The following WWP1 variants were observed in gnomAD, a reference collection of about 807,000 sequenced individuals.
WWP1 encodes the protein WW domain containing E3 ubiquitin protein ligase 1.
In WWP1, 49 loss-of-function variants were observed where a neutral mutation model predicts 130.6. The observed-to-expected ratio is 0.38, with a 90% CI of 0.30 to 0.48. WWP1 has a LOEUF of 0.48. WWP1 is among the 20% of genes least tolerant of loss of function. The probability of loss-of-function intolerance (pLI) is 0.99; values close to 1 mark genes in which losing one functional copy is unlikely to be tolerated. For missense variants in WWP1, 809 were observed against 1,100.6 expected (o/e 0.74, Z 3.75); for synonymous variants, 332 against 367.8 (o/e 0.90, Z 1.11).
chr8:86,444,679 G>T (rs1418850608), intron 18 of WWP1, among the ~76,000 whole-genome samples: 1 of 152,176 alleles, frequency 6.6e-6, no homozygotes, highest in Non-Finnish European at 1.5e-5. Context: ...TTTGACCATT[G>T]TATCTGCAAA....
At chr8:86,349,059 T>TC (rs1822763799) in intron 1 of WWP1, among the ~76,000 whole-genome samples, 1 of 152,118 alleles carries the variant, frequency 6.6e-6, no homozygotes, top group Admixed American at 6.6e-5. Context: ...TCTCACTCTG[T>TC]CACCCAGGCT....
chr8:86,410,277 CA>C (rs773638917), intron 8 of WWP1, among the ~76,000 whole-genome samples: 1 of 152,124 alleles, frequency 6.6e-6, no homozygotes, highest in Non-Finnish European at 1.5e-5. Context: ...AGAATTTTCT[CA>C]AAAACCTTTC....
At chr8:86,366,780 G>A (rs1823999607) in intron 1 of WWP1, among the ~76,000 whole-genome samples, 4 of 152,102 alleles carry the variant, frequency 2.6e-5, no homozygotes, top group Admixed American at 2.6e-4. Context: ...TTTAAAACCT[G>A]ATGCTCCTGA....
At chr8:86,345,484 A>G (rs1433748776) in intron 1 of WWP1, among the ~76,000 whole-genome samples, 1 of 151,968 alleles carries the variant, frequency 6.6e-6, no homozygotes, top group Non-Finnish European at 1.5e-5. Flanking sequence ...TTCTGGGCTC[A>G]TTGCAACCTC....
Position 86,349,529 on chromosome 8 carries a change from T to C in WWP1, c.-115+6599T>C, listed in dbSNP as rs139747203. ...TACCAAAACAGGACTTACGGAAAAC[T>C]GTTTTGGAAGCTGAAGCTTAGGCAG... On this transcript the variant is annotated intron_variant, in intron 1 of 24. Coordinates refer to ENST00000517970, the MANE Select transcript of WWP1 (RefSeq NM_007013.4). Among the ~76,000 whole-genome samples the C allele has an allele frequency of 4.0e-4, 61 of 152,338 alleles. 1 individual carries two copies. In the East Asian group the frequency reaches 0.012, roughly 29 times the overall value.
intron 5 of WWP1, among the ~76,000 whole-genome samples, chr8:86,396,350 C>T (rs541135484): frequency 5.3e-5 from 8 of 152,146 alleles, no homozygotes; most frequent in African/African-American, 9.7e-5. Context: ...CCGCCCGCCT[C>T]GGCCTCCCAA....
intron 3 of WWP1, 121 bp downstream of exon 3, chr8:86,374,241 T>C: frequency 2.7e-6 from 2 of 749,626 alleles, no homozygotes; most frequent in Non-Finnish European, 4.2e-6. Flanking sequence ...GCATATTTGT[T>C]GCAACAAGCC....
At chr8:86,397,308 T>C (rs1450149590) in intron 5 of WWP1, among the ~76,000 whole-genome samples, 1 of 152,212 alleles carries the variant, frequency 6.6e-6, no homozygotes, top group African/African-American at 2.4e-5. Flanking sequence ...CTTTCTCTTT[T>C]AGTTTTTATT....
intron 21 of WWP1, among the ~76,000 whole-genome samples, chr8:86,453,818 G>T (rs548512633): frequency 3.5e-4 from 54 of 152,124 alleles, no homozygotes; most frequent in South Asian, 1.7e-3. Context: ...TAGTTATCAA[G>T]AATTTTCTAA....
chr8:86,453,587 CTATT>C (rs1811288093), intron 21 of WWP1, among the ~76,000 whole-genome samples: 1 of 152,094 alleles, frequency 6.6e-6, no homozygotes, highest in South Asian at 2.1e-4. Flanking sequence ...TGGTAATCCT[CTATT>C]TAATTTTTTG....
At chr8:86,401,488 AG>A (rs1807976099) in intron 7 of WWP1, among the ~76,000 whole-genome samples, 1 of 151,580 alleles carries the variant, frequency 6.6e-6, no homozygotes, top group South Asian at 2.1e-4. Context: ...TGAGCCTAAG[AG>A]GTTGAAGCTG....
At chr8:86,396,924 A>G (rs1807709801) in intron 5 of WWP1, among the ~76,000 whole-genome samples, 1 of 152,116 alleles carries the variant, frequency 6.6e-6, no homozygotes, top group Non-Finnish European at 1.5e-5. Context: ...TTTAGAGACT[A>G]GATCTCACTG....
At chr8:86,367,470 C>T (rs2130261266) in intron 1 of WWP1, among the ~76,000 whole-genome samples, 1 of 152,234 alleles carries the variant, frequency 6.6e-6, no homozygotes, top group African/African-American at 2.4e-5. Context: ...TTAAGATATG[C>T]CTTCTAAATG....
At chr8:86,443,438 A>G (rs1810698137) in intron 18 of WWP1, among the ~76,000 whole-genome samples, 1 of 152,206 alleles carries the variant, frequency 6.6e-6, no homozygotes, top group Non-Finnish European at 1.5e-5. Context: ...TTGGAATTTT[A>G]AGCGCTTTGC....
chr8:86,440,055 C>T (rs1054684239), intron 17 of WWP1, among the ~76,000 whole-genome samples: 2 of 152,136 alleles, frequency 1.3e-5, no homozygotes, highest in Admixed American at 1.3e-4. Flanking sequence ...CGAAACACTG[C>T]CTATCATAAT....
At chr8:86,425,490 C>A (rs964641120) in intron 10 of WWP1, among the ~76,000 whole-genome samples, 172 bp downstream of exon 10, 1 of 152,108 alleles carries the variant, frequency 6.6e-6, no homozygotes, top group East Asian at 1.9e-4. Flanking sequence ...ATCTGTAGGG[C>A]TTCCTCAAGA....
intron 17 of WWP1, chr8:86,440,832 C>A (rs890494417): frequency 1.1e-5 from 4 of 348,938 alleles, no homozygotes; most frequent in Non-Finnish European, 2.2e-5. Context: ...TTTTCTCAAG[C>A]CTATCCTCAT....
chr8:86,352,631 T>A (rs28433311), intron 1 of WWP1, among the ~76,000 whole-genome samples: 22,286 of 151,968 alleles, frequency 0.15, 1,785 homozygotes, highest in Non-Finnish European at 0.19. Flanking sequence ...TCTCTCCCAA[T>A]GTGCTGGGAT....
intron 1 of WWP1, among the ~76,000 whole-genome samples, chr8:86,346,098 T>A (rs1012610874): frequency 3.9e-5 from 6 of 152,238 alleles, no homozygotes; most frequent in Admixed American, 2.0e-4. Context: ...CATTTTGTGA[T>A]TCTCGAGTCC....
Sources: allele counts gnomAD v4.1 joint callset (sites outside exome capture counted in the v4.1 genomes callset), GRCh38; gene constraint gnomAD v4.1.1; transcripts MANE v1.5; gene names NCBI Gene and HGNC (gene_info 2026-07-23, HGNC 2026-07-21).